The following ZNF730 variants were observed in gnomAD, a reference collection of about 807,000 sequenced individuals.
The protein encoded by ZNF730 is putative zinc finger protein 730.
In ZNF730, 12 loss-of-function variants were observed where a neutral mutation model predicts 12.6. That is an observed-to-expected ratio of 0.95 (90% CI 0.61 to 1.54). The LOEUF (loss-of-function observed/expected upper bound fraction) is 1.54, where lower values mean the gene tolerates loss of function less well. Among genes scored for constraint, ZNF730 ranks in the 40% most tolerant of loss-of-function variants. ZNF730 has a pLI of 0.00. For missense variants in ZNF730, 643 were observed against 583.5 expected (o/e 1.10, Z -1.05); for synonymous variants, 194 against 195.8 (o/e 0.99, Z 0.08).
Position 23,145,364 on chromosome 19 carries a change from G to T in ZNF730, c.320G>T (p.Arg107Ile). 1 of 1,594,244 alleles carries T rather than the reference G, an allele frequency of 6.3e-7. No individual in the cohort carries two copies. Among genetic ancestry groups the T allele is most frequent in the Non-Finnish European group, 8.5e-7 (1 of 1,171,014 alleles). ...ATACTGAGACAATATAAAAAATGTA[G>T]ACATGAGAATTTACTGTTAAGAAAA... Reference protein sequence around the residue: ...EVILRQYKKCRHENLLLRKGC... With the variant: ...EVILRQYKKCIHENLLLRKGC... Residue 107 changes from arginine (R) to isoleucine (I), a missense_variant, in exon 4 of 4, where the codon AGA becomes ATA. Transcript: ENST00000597761.
chr19:23,118,368 T>TG (rs1970559051), intron 1 of ZNF730, among the ~76,000 whole-genome samples: 2 of 149,142 alleles, frequency 1.3e-5, no homozygotes, highest in African/African-American at 5.0e-5. Context: ...TGTTTTTTGT[T>TG]TTTTTTTTTT....
intron 1 of ZNF730, among the ~76,000 whole-genome samples, chr19:23,099,660 C>T (rs892640108): frequency 9.2e-5 from 14 of 152,176 alleles, no homozygotes; most frequent in African/African-American, 3.4e-4. Flanking sequence ...TACACAAATC[C>T]ATTCCACCAT....
At chr19:23,127,145 A>G in intron 1 of ZNF730, 1 of 519,430 alleles carries the variant, frequency 1.9e-6, no homozygotes, top group South Asian at 1.6e-5. Context: ...TGATATTCTA[A>G]AAGAAATGTT....
At chr19:23,112,500 G>A (rs2145577181), upstream of ZNF730, among the ~76,000 whole-genome samples, 2 of 152,262 alleles carry the variant, frequency 1.3e-5, no homozygotes, top group Middle Eastern at 3.4e-3. Context: ...GAGGTGGGCA[G>A]ATCATGAGGT....
intron 1 of ZNF730, among the ~76,000 whole-genome samples, chr19:23,095,972 C>T (rs185969286): frequency 1.4e-4 from 22 of 152,262 alleles, no homozygotes; most frequent in Admixed American, 1.2e-3. Flanking sequence ...TTCCTGGGAC[C>T]TGTCCACAGT....
At chr19:23,111,064 T>C (rs979044682) in intron 1 of ZNF730, among the ~76,000 whole-genome samples, 2 of 152,244 alleles carry the variant, frequency 1.3e-5, no homozygotes, top group Non-Finnish European at 2.9e-5. Context: ...TGTTCATTCC[T>C]GAGTTCTTAA....
chr19:23,115,218 T>C (rs1323096011), upstream of ZNF730, among the ~76,000 whole-genome samples: 1 of 152,108 alleles, frequency 6.6e-6, no homozygotes, highest in Non-Finnish European at 1.5e-5. Context: ...TCTAGTAATA[T>C]AGTTTGATCT....
chr19:23,113,495 C>T (rs757037982), upstream of ZNF730, among the ~76,000 whole-genome samples: 3 of 152,144 alleles, frequency 2.0e-5, no homozygotes, highest in Non-Finnish European at 2.9e-5. Context: ...ATAATGGAAA[C>T]AGTGGTACTA....
upstream of ZNF730, among the ~76,000 whole-genome samples, chr19:23,114,373 C>T (rs1223460701): frequency 1.5e-5 from 2 of 134,068 alleles, no homozygotes; most frequent in African/African-American, 5.7e-5. Flanking sequence ...GTGGAGCGAT[C>T]TCGGCTCACT....
At chr19:23,091,330 G>A (rs528407855) in intron 1 of ZNF730, among the ~76,000 whole-genome samples, 100 of 152,274 alleles carry the variant, frequency 6.6e-4, no homozygotes, top group Middle Eastern at 6.8e-3. Context: ...ACCTCTGCTA[G>A]GGCAGTGTGG....
At chr19:23,094,552 C>A (rs1016384744) in intron 1 of ZNF730, among the ~76,000 whole-genome samples, 2 of 152,142 alleles carry the variant, frequency 1.3e-5, no homozygotes, top group Non-Finnish European at 2.9e-5. Context: ...CCAGTCACTG[C>A]AACCACCGCT....
In ZNF730 at chr19:23,146,049, T is replaced by C; in HGVS notation, c.1005T>C (p.Asn335=). 1 of 1,611,646 alleles carries C rather than the reference T, an allele frequency of 6.2e-7. No individual in the cohort carries two copies. The highest frequency in any genetic ancestry group is 2.2e-5 in the East Asian group (1 of 44,820). The change falls in exon 4 of 4, where the codon AAT becomes AAC. Residue 335 remains asparagine (N), a synonymous_variant. Coordinates refer to ENST00000597761, the MANE Select transcript of ZNF730 (RefSeq NM_001277403.2). The part of the protein sequence containing the change: ...STLTKHKRIH[N]GEKPYKCEEC... ...TTACAAAACATAAAAGAATTCATAA[T>C]GGAGAAAAACCCTACAAATGTGAAG...
Position 23,091,958 on chromosome 19 carries a change from T to C in ZNF730, c.-94+16571T>C, listed in dbSNP as rs532047191. 2.6e-5 allele frequency among the ~76,000 whole-genome samples: 4 copies of C among 152,242 alleles called. No individual in the cohort carries two copies. The South Asian group carries it at 8.3e-4, about 32-fold the overall frequency. On this transcript the variant is annotated intron_variant, in intron 1 of 2. Transcript: ENST00000593635. ...GGGGCCAGGGGCAGAATGATATTCT[T>C]TGGATGTGTCCCCATTCAAATCTCA...
At chr19:23,089,371 A>G (rs758104136) in intron 1 of ZNF730, among the ~76,000 whole-genome samples, 16 of 151,872 alleles carry the variant, frequency 1.1e-4, no homozygotes, top group Admixed American at 2.6e-4. Flanking sequence ...TGCCCTGCTA[A>G]TTTTTGTATT....
At chr19:23,077,483 G>C (rs1969885144) in intron 1 of ZNF730, among the ~76,000 whole-genome samples, 1 of 127,804 alleles carries the variant, frequency 7.8e-6, no homozygotes, top group South Asian at 2.7e-4. Flanking sequence ...TGTCACCCAG[G>C]CTGGAGTGCA....
intron 1 of ZNF730, among the ~76,000 whole-genome samples, chr19:23,121,584 C>A (rs934351513): frequency 2.6e-5 from 4 of 152,172 alleles, no homozygotes; most frequent in Admixed American, 2.6e-4. Context: ...TCGTGATCCA[C>A]CTGCCTCAGC....
intron 1 of ZNF730, among the ~76,000 whole-genome samples, chr19:23,105,546 AT>A (rs1970383642): frequency 6.6e-6 from 1 of 152,234 alleles, no homozygotes; most frequent in Non-Finnish European, 1.5e-5. Flanking sequence ...AATGGCAACC[AT>A]GTAAAGAAAA....
chr19:23,124,802 T>C (rs1970641608), intron 1 of ZNF730, among the ~76,000 whole-genome samples: 1 of 152,228 alleles, frequency 6.6e-6, no homozygotes. Context: ...AACTGATTGC[T>C]TTCATTTCAT....
At chr19:23,129,830 A>G (rs931575513) in intron 1 of ZNF730, among the ~76,000 whole-genome samples, 1 of 151,798 alleles carries the variant, frequency 6.6e-6, no homozygotes, top group Non-Finnish European at 1.5e-5. Flanking sequence ...CATCTCTACT[A>G]AAAATACAAA....
Sources: allele counts gnomAD v4.1 joint callset (sites outside exome capture counted in the v4.1 genomes callset), GRCh38; gene constraint gnomAD v4.1.1; transcripts MANE v1.5; gene names NCBI Gene and HGNC (gene_info 2026-07-23, HGNC 2026-07-21).